Variants in HHLA1 observed in about 807,000 individuals in gnomAD.
The protein encoded by HHLA1 is HERV-H LTR-associating protein 1.
In HHLA1, 72 loss-of-function variants were observed where a neutral mutation model predicts 69.9. The observed-to-expected ratio is 1.03, with a 90% confidence interval of 0.85 to 1.25. The LOEUF (loss-of-function observed/expected upper bound fraction) is 1.25. HHLA1 is among the 50% of genes most tolerant of loss of function. The probability of loss-of-function intolerance (pLI) is 0.00; values close to 1 mark genes in which losing one functional copy is unlikely to be tolerated. For synonymous variants in HHLA1, 252 were observed against 233.2 expected, an observed-to-expected ratio of 1.08 and a Z score of -0.73; for missense variants, 685 against 642.2, an observed-to-expected ratio of 1.07 and a Z score of -0.72.
chr8:132,066,203 G>A (rs565920712), intron 15 of HHLA1, among the ~76,000 whole-genome samples: 136 of 152,266 alleles, frequency 8.9e-4, no homozygotes, highest in African/African-American at 3.0e-3. Context: ...GCCCCACTGC[G>A]TACTAGGATG....
chr8:132,101,375 G>A, intron 3 of HHLA1: 2 of 1,411,316 alleles, frequency 1.4e-6, no homozygotes, highest in Non-Finnish European at 1.9e-6. Flanking sequence ...TTTGAAGAAT[G>A]GATAAACTGA....
At position 132,076,633 on chromosome 8, in the gene HHLA1, C is replaced by A. The variant is rs888183164; in HGVS notation, c.1172-90G>T. The A allele has an allele frequency of 2.5e-5, 20 of 788,290 alleles. 1 individual carries two copies. In the African/African-American group the frequency reaches 3.5e-4, roughly 14 times the overall value. The allele number at this position is 788,290 out of a possible 1,614,324, so 48.8% of individuals were successfully genotyped here. A position where few individuals can be genotyped will look rare whatever the true frequency, so the allele number is the denominator to read the frequency against. On this transcript the variant is annotated intron_variant, in intron 12 of 16. Transcript: ENST00000414222. ...CCAGGGCCACCTATCCTGCCCTATCCAACCAATGTTGGTTAAGCCAGGTAC... is the reference window on the plus strand; with the variant it reads ...CCAGGGCCACCTATCCTGCCCTATCAAACCAATGTTGGTTAAGCCAGGTAC...
intron 1 of HHLA1, among the ~76,000 whole-genome samples, chr8:132,105,651 C>A (rs187162488): frequency 6.6e-6 from 1 of 152,238 alleles, no homozygotes; most frequent in African/African-American, 2.4e-5. Flanking sequence ...GATTATGCAC[C>A]AACTCTTAAG....
Position 132,071,349 on chromosome 8 carries a change from T to G in HHLA1, c.1460A>C (p.Glu487Ala). 1 of 1,551,144 alleles carries G rather than the reference T, an allele frequency of 6.4e-7. No individual in the cohort carries two copies. The highest frequency in any genetic ancestry group is 8.7e-7 in the Non-Finnish European group (1 of 1,146,714). ...LCMSQRSPRT[E>A]DMRYCLEYYS... ...CACTGGGCCAAGTTACCTCATGTCC[T>G]CTGTCCTGGGACTCCTCTGGCTCAT... The change falls in exon 15 of 17, where the codon GAG becomes GCG. Residue 487 changes from glutamate to alanine, a missense_variant. By Grantham distance (107) the Glu-to-Ala change is moderately radical (BLOSUM62 -1). Coordinates refer to ENST00000414222, the MANE Select transcript of HHLA1 (RefSeq NM_001145095.3).
At chr8:132,071,628 A>G in intron 14 of HHLA1, 135 bp from the exon 15 acceptor site, 1 of 732,760 alleles carries the variant, frequency 1.4e-6, no homozygotes, top group Non-Finnish European at 2.2e-6. Context: ...TAAACATAGC[A>G]TTCCTCACCA....
intron 15 of HHLA1, 110 bp from the exon 16 acceptor site, chr8:132,066,078 T>A: frequency 2.3e-6 from 1 of 427,810 alleles, no homozygotes; most frequent in Non-Finnish European, 4.7e-6. Context: ...GGCCAATTAT[T>A]CACAGCAAGG....
intron 11 of HHLA1, 114 bp downstream of exon 11, chr8:132,079,604 A>G: frequency 8.6e-7 from 1 of 1,157,606 alleles, no homozygotes; most frequent in Non-Finnish European, 1.2e-6. Flanking sequence ...GCTGAAGCGT[A>G]ACTTCAGTTG....
rs1317817692 is a variant in HHLA1, at chr8:132,098,905, C to G, written c.257G>C (p.Gly86Ala). The G allele has an allele frequency of 6.4e-7, 1 of 1,550,774 alleles. No homozygotes were observed. The highest frequency in any genetic ancestry group is 1.2e-5 in the South Asian group (1 of 84,018). ...SALNLTELVNGMLSRALKDSK... is the reference protein window; with the variant it reads ...SALNLTELVNAMLSRALKDSK... ...ACCTTTTAACGCTCTACTGAGCATC[C>G]CATTCACAAGCTCTGTCAGGTTAAG... Residue 86 changes from glycine to alanine, a missense_variant, in exon 5 of 17, where the codon GGG becomes GCG. By Grantham distance (60) the Gly-to-Ala change is moderately conservative (BLOSUM62 0). Transcript: ENST00000414222.
chr8:132,082,562 T>G (rs1211115998), intron 10 of HHLA1, among the ~76,000 whole-genome samples: 1 of 151,952 alleles, frequency 6.6e-6, no homozygotes, highest in Non-Finnish European at 1.5e-5. Flanking sequence ...GAGGAAGAAA[T>G]TTGGGCTTGA....
chr8:132,068,669 T>A (rs972474458), intron 15 of HHLA1, among the ~76,000 whole-genome samples: 4 of 152,228 alleles, frequency 2.6e-5, no homozygotes, highest in African/African-American at 9.6e-5. Context: ...TGTAGGTATG[T>A]CTATCTAAAT....
intron 15 of HHLA1, among the ~76,000 whole-genome samples, chr8:132,070,675 A>G (rs1419456761): frequency 1.3e-5 from 2 of 151,394 alleles, no homozygotes; most frequent in African/African-American, 4.9e-5. Flanking sequence ...TCACGGCTAA[A>G]CTCATCCCAA....
At chr8:132,069,782 C>G (rs1162720158) in intron 15 of HHLA1, 1 of 151,984 alleles carries the variant, frequency 6.6e-6, no homozygotes, top group African/African-American at 2.4e-5. Flanking sequence ...GAGGCTATTT[C>G]TGATTCACCT....
chr8:132,069,662 T>A (rs1405386684), intron 15 of HHLA1: 1 of 152,172 alleles, frequency 6.6e-6, no homozygotes, highest in African/African-American at 2.4e-5. Context: ...CGGGATATGA[T>A]TAACAGGTTT....
At chr8:132,079,648 T>C (rs1823704977) in intron 11 of HHLA1, 70 bp downstream of exon 11, 3 of 1,447,390 alleles carry the variant, frequency 2.1e-6, no homozygotes, top group Non-Finnish European at 2.7e-6. Context: ...ATTTTGCTTA[T>C]ATATGTGAGC....
chr8:132,085,871 A>G (rs1411791374), intron 10 of HHLA1, among the ~76,000 whole-genome samples: 1 of 150,440 alleles, frequency 6.6e-6, no homozygotes, highest in Non-Finnish European at 1.5e-5. Context: ...TTTGTGGTGG[A>G]ATGTCATCAG....
Position 132,061,767 on chromosome 8 carries a change from C to G in HHLA1, c.*2228G>C, listed in dbSNP as rs1823356837. The G allele has an allele frequency of 6.6e-6, 1 of 152,272 alleles. No individual in the cohort carries two copies. Among genetic ancestry groups the G allele is most frequent in the South Asian group, 2.1e-4 (1 of 4,826 alleles). 9.4% of individuals were successfully genotyped at this position (152,272 alleles called of 1,614,324 possible). On this transcript the variant is annotated 3_prime_UTR_variant, in exon 17 of 17. Coordinates refer to ENST00000414222, the MANE Select transcript of HHLA1 (RefSeq NM_001145095.3). ...GACTCCAGGCAGTCGTCAGCCACTC[C>G]TGGGCCCTGTTTTCCTTCTGCCTTT... is the stretch of plus-strand genomic sequence containing the variant.
At chr8:132,099,622 G>A (rs1824082115) in intron 4 of HHLA1, among the ~76,000 whole-genome samples, 1 of 152,216 alleles carries the variant, frequency 6.6e-6, no homozygotes, top group South Asian at 2.1e-4. Context: ...GGGAGGCTGA[G>A]GTGGGTGGAT....
At chr8:132,078,638 G>A (rs1586726734) in intron 11 of HHLA1, among the ~76,000 whole-genome samples, 1 of 152,114 alleles carries the variant, frequency 6.6e-6, no homozygotes, top group South Asian at 2.1e-4. Context: ...AGCCCTCTCT[G>A]TGTTCTCTGT....
At chr8:132,067,012 A>G (rs547758402) in intron 15 of HHLA1, among the ~76,000 whole-genome samples, 1 of 152,294 alleles carries the variant, frequency 6.6e-6, no homozygotes, top group East Asian at 1.9e-4. Flanking sequence ...AAGGGCTGAA[A>G]GAACCAACAG....
Sources: allele counts gnomAD v4.1 joint callset (sites outside exome capture counted in the v4.1 genomes callset), GRCh38; gene constraint gnomAD v4.1.1; transcripts MANE v1.5; gene names NCBI Gene and HGNC (gene_info 2026-07-23, HGNC 2026-07-21).